CALHM3: variants seen among roughly 807,000 people sequenced by gnomAD.
The protein encoded by CALHM3 is calcium homeostasis modulator protein 3.
A neutral mutation model predicts 13.6 loss-of-function variants in CALHM3; 9 were observed. That is an observed-to-expected ratio of 0.66 (90% CI 0.40 to 1.15). CALHM3 has a LOEUF of 1.15. CALHM3 is among the 50% of genes most tolerant of loss of function. The probability of loss-of-function intolerance (pLI) is 0.01; values close to 1 mark genes in which losing one functional copy is unlikely to be tolerated. For synonymous variants in CALHM3, 231 were observed against 213.2 expected, an observed-to-expected ratio of 1.08 and a Z score of -0.73; for missense variants, 497 against 463.4, an observed-to-expected ratio of 1.07 and a Z score of -0.67.
chr10:103,477,208 T>A (rs2033399766), intron 1 of CALHM3, among the ~76,000 whole-genome samples: 1 of 152,128 alleles, frequency 6.6e-6, no homozygotes, highest in African/African-American at 2.4e-5. Context: ...CCACAAGGCA[T>A]CCCAGGAGCC....
intron 1 of CALHM3, among the ~76,000 whole-genome samples, chr10:103,477,358 C>T (rs1300350299): frequency 1.3e-5 from 2 of 152,166 alleles, no homozygotes; most frequent in Admixed American, 6.5e-5. Flanking sequence ...CAAGGACACA[C>T]CCAGTGCCTG....
Position 103,473,340 on chromosome 10 carries a change from C to A in CALHM3, c.908G>T (p.Ser303Ile). Residue 303 changes from serine (S) to isoleucine (I), a missense_variant, in exon 3 of 3, where the codon AGC becomes ATC. Ser to Ile is a moderately radical substitution (Grantham distance 142). Coordinates refer to ENST00000369783, the MANE Select transcript of CALHM3 (RefSeq NM_001129742.2). ...CGGCGGCTTGCTGGAGTACCACGTGCTTAGGAGGCGGTCCACCTGCTCCCG... is the reference window on the plus strand; with the variant it reads ...CGGCGGCTTGCTGGAGTACCACGTGATTAGGAGGCGGTCCACCTGCTCCCG... Reference protein sequence around the residue: ...SSREQVDRLLSTWYSSKPPLD... With the variant: ...SSREQVDRLLITWYSSKPPLD... 1 of 1,505,742 alleles carries A rather than the reference C, an allele frequency of 6.6e-7. No homozygotes were observed. The highest frequency in any genetic ancestry group is 8.9e-7 in the Non-Finnish European group (1 of 1,121,818). 93.3% of individuals were successfully genotyped at this position (1,505,742 alleles called of 1,614,324 possible).
chr10:103,473,750 C>T lies in CALHM3; in HGVS notation c.544-46G>A, dbSNP rs2033357703. ...AGGTTAGATGTGAGTGGGGCCTAAT[C>T]CTATATACATATGTATTTATGAATA... On this transcript the variant is annotated intron_variant, in intron 2 of 2. Coordinates refer to ENST00000369783, the MANE Select transcript of CALHM3 (RefSeq NM_001129742.2). 7 of 1,484,884 alleles carry T rather than the reference C, an allele frequency of 4.7e-6. No individual in the cohort carries two copies. The East Asian group carries it at 1.7e-4, about 37-fold the overall frequency. 92.0% of individuals were successfully genotyped at this position (1,484,884 alleles called of 1,614,324 possible).
Position 103,476,317 on chromosome 10 carries a change from G to A in CALHM3, c.520C>T (p.Arg174Cys), listed in dbSNP as rs2033387720. 1.3e-6 allele frequency: 2 copies of A among 1,551,484 alleles called. No individual in the cohort carries two copies. Residue 174 changes from arginine (R) to cysteine (C), a missense_variant, in exon 2 of 3, where the codon CGC becomes TGC. Coordinates refer to ENST00000369783, the MANE Select transcript of CALHM3 (RefSeq NM_001129742.2). ...ACCTGTGACAGGCACCGCAGGTAGC[G>A]AGACACTGCCTTCCGAGCAGGGCTA... is the stretch of plus-strand genomic sequence containing the variant. Reference protein sequence around the residue: ...RDSPARKAVSRYLRCLSQAIG... With the variant: ...RDSPARKAVSCYLRCLSQAIG...
Position 103,478,783 on chromosome 10 carries a change from GC to G in CALHM3, c.249del (p.Ala85GlnfsTer59). ...QSVVMVEEWR[R>X]PAGHRRKDPG... is the part of the protein sequence containing the mutation. The stretch of plus-strand genomic sequence containing the variant: ...GGGTCCTTCCTCCGGTGCCCTGCGG[GC>G]CGGCGCCACTCCTCGACCATCACCA... On this transcript the variant is annotated frameshift_variant, in exon 1 of 3. Coordinates refer to ENST00000369783, the MANE Select transcript of CALHM3 (RefSeq NM_001129742.2). LOFTEE classifies it high-confidence loss of function. 2 of 1,547,888 alleles carry G rather than the reference GC, an allele frequency of 1.3e-6. No homozygotes were observed. The highest frequency in any genetic ancestry group is 1.7e-6 in the Non-Finnish European group (2 of 1,144,922).
intron 2 of CALHM3, among the ~76,000 whole-genome samples, chr10:103,475,666 G>A (rs547884766): frequency 6.6e-6 from 1 of 152,246 alleles, no homozygotes; most frequent in Non-Finnish European, 1.5e-5. Flanking sequence ...CAAGGGGCAG[G>A]GGCTGTGTGT....
chr10:103,475,496 T>C (rs889221765), intron 2 of CALHM3, among the ~76,000 whole-genome samples: 1 of 152,164 alleles, frequency 6.6e-6, no homozygotes, highest in Non-Finnish European at 1.5e-5. Flanking sequence ...ACCATCAAGA[T>C]GGAGGAGACC....
In CALHM3 at chr10:103,478,745, C is replaced by T. The variant is rs2033420274; in HGVS notation, c.287+1G>A. 6.6e-7 allele frequency: 1 copy of T among 1,521,144 alleles called. No homozygotes were observed. Among genetic ancestry groups the T allele is most frequent in the South Asian group, 1.3e-5 (1 of 78,008 alleles). The allele number at this position is 1,521,144 out of a possible 1,614,324, so 94.2% of individuals were successfully genotyped here. On this transcript the variant is annotated splice_donor_variant, in intron 1 of 2. Transcript: ENST00000369783. LOFTEE classifies it high-confidence loss of function. ...GGTCACTGAGTGGTGTGGGACCGCA[C>T]CTGATGATGCCTGGGTCCTTCCTCC... is the stretch of plus-strand genomic sequence containing the variant.
chr10:103,478,665 G>C (rs2033418392), intron 1 of CALHM3, 81 bp downstream of exon 1: 1 of 1,360,180 alleles, frequency 7.4e-7, no homozygotes, highest in Non-Finnish European at 9.9e-7. Flanking sequence ...TGGGGTCTGG[G>C]GGTGCACTTG....
At position 103,479,137 on chromosome 10, in the gene CALHM3, G is replaced by T; in HGVS notation, c.-105C>A. Reference sequence around the variant, plus strand: ...GGGACGAGCCTGGGATCTGCAAGAGGTTCTCTCTCTGCTTCCAAGGGCCTG... The same window carrying T: ...GGGACGAGCCTGGGATCTGCAAGAGTTTCTCTCTCTGCTTCCAAGGGCCTG... On this transcript the variant is annotated 5_prime_UTR_variant, in exon 1 of 3. Transcript: ENST00000369783. 3.1e-6 allele frequency: 4 copies of T among 1,289,038 alleles called. No homozygotes were observed. The highest frequency in any genetic ancestry group is 1.5e-5 in the South Asian group (1 of 68,050). The allele number at this position is 1,289,038 out of a possible 1,614,324, so 79.9% of individuals were successfully genotyped here. A position where few individuals can be genotyped will look rare whatever the true frequency, so the allele number is the denominator to read the frequency against.
intron 1 of CALHM3, among the ~76,000 whole-genome samples, chr10:103,477,335 C>G (rs1456853271): frequency 1.3e-5 from 2 of 152,162 alleles, no homozygotes; most frequent in Non-Finnish European, 2.9e-5. Flanking sequence ...CACTGGACCC[C>G]AGAGGAAAAG....
In CALHM3 at chr10:103,478,763, C is replaced by A; in HGVS notation, c.270G>T (p.Lys90Asn). 6.5e-7 allele frequency: 1 copy of A among 1,535,900 alleles called. No individual in the cohort carries two copies. Among genetic ancestry groups the A allele is most frequent in the South Asian group, 1.2e-5 (1 of 81,218 alleles). The change falls in exon 1 of 3, where the codon AAG becomes AAT. Residue 90 changes from lysine (K) to asparagine (N), a missense_variant. Coordinates refer to ENST00000369783, the MANE Select transcript of CALHM3 (RefSeq NM_001129742.2). ...GACCGCACCTGATGATGCCTGGGTC[C>A]TTCCTCCGGTGCCCTGCGGGCCGGC... The part of the protein sequence containing the change: ...EWRRPAGHRR[K>N]DPGIIRYMCS...
chr10:103,474,467 A>ATT (rs1554885786), intron 2 of CALHM3, among the ~76,000 whole-genome samples: 1 of 82,778 alleles, frequency 1.2e-5, no homozygotes, highest in East Asian at 4.0e-4. Context: ...ATTTATTTAT[A>ATT]TTTTTTGAGA....
At position 103,473,454 on chromosome 10, in the gene CALHM3, C is replaced by A; in HGVS notation, c.794G>T (p.Gly265Val). ...QARGLRRGNA[G>V]RRLELPAVPE... is the part of the protein sequence containing the mutation. The stretch of plus-strand genomic sequence containing the variant: ...CACTGCGGGGAGCTCGAGTCTCCTG[C>A]CTGCATTGCCCCGGCGCAGCCCCCG... The change falls in exon 3 of 3, where the codon GGC becomes GTC. Residue 265 changes from glycine (G) to valine (V), a missense_variant. Physicochemically the swap from Gly to Val is moderately radical, Grantham distance 109. Transcript: ENST00000369783. 2 of 1,523,346 alleles carry A rather than the reference C, an allele frequency of 1.3e-6. No individual in the cohort carries two copies. The highest frequency in any genetic ancestry group is 1.6e-5 in the African/African-American group (1 of 61,384). 94.4% of individuals were successfully genotyped at this position (1,523,346 alleles called of 1,614,324 possible). A position where few individuals can be genotyped will look rare whatever the true frequency, so the allele number is the denominator to read the frequency against.
In CALHM3 at chr10:103,473,313, A is replaced by G. The variant is rs998275916; in HGVS notation, c.935T>C (p.Leu312Pro). 2 of 1,494,536 alleles carry G rather than the reference A, an allele frequency of 1.3e-6. No individual in the cohort carries two copies. Among genetic ancestry groups the G allele is most frequent in the African/African-American group, 2.8e-5 (2 of 71,232 alleles). 92.6% of individuals were successfully genotyped at this position (1,494,536 alleles called of 1,614,324 possible). ...GAGCCCGGGGGATGCAGCCAGGTCC[A>G]GCGGCGGCTTGCTGGAGTACCACGT... ...LSTWYSSKPP[L>P]DLAASPGLCG... Residue 312 changes from leucine to proline, a missense_variant, in exon 3 of 3, where the codon CTG becomes CCG. Leu to Pro is a moderately conservative substitution (Grantham distance 98, BLOSUM62 -3). Transcript: ENST00000369783.
chr10:103,474,517 G>A (rs930806313), intron 2 of CALHM3, among the ~76,000 whole-genome samples: 3 of 151,918 alleles, frequency 2.0e-5, no homozygotes, highest in East Asian at 1.9e-4. Context: ...GTGCAATGGC[G>A]TGATTCAGCT....
intron 2 of CALHM3, among the ~76,000 whole-genome samples, chr10:103,475,405 G>A (rs2033377049): frequency 6.6e-6 from 1 of 152,210 alleles, no homozygotes; most frequent in Non-Finnish European, 1.5e-5. Context: ...GCTGAGTCAG[G>A]ATTCAAACCC....
In CALHM3 at chr10:103,473,119, T is replaced by G; in HGVS notation, c.*94A>C. ...GGAGGCTAACAAGACTTAGGGTGCCTGCCGTGGGGTCCCCACGGCCTGGAA... is the reference window on the plus strand; with the variant it reads ...GGAGGCTAACAAGACTTAGGGTGCCGGCCGTGGGGTCCCCACGGCCTGGAA... On this transcript the variant is annotated 3_prime_UTR_variant, in exon 3 of 3. Coordinates refer to ENST00000369783, the MANE Select transcript of CALHM3 (RefSeq NM_001129742.2). 8.1e-7 allele frequency: 1 copy of G among 1,227,048 alleles called. No individual in the cohort carries two copies. The highest frequency in any genetic ancestry group is 1.0e-6 in the Non-Finnish European group (1 of 965,834). The allele number at this position is 1,227,048 out of a possible 1,614,324, so 76.0% of individuals were successfully genotyped here.
intron 2 of CALHM3, 120 bp downstream of exon 2, chr10:103,476,174 C>T: frequency 7.3e-7 from 1 of 1,374,502 alleles, no homozygotes; most frequent in Admixed American, 2.1e-5. Flanking sequence ...CACTTCCCTG[C>T]CTCCTGGGAA....
Sources: gnomAD v4.1 joint callset for allele counts (sites outside exome capture counted in the v4.1 genomes callset) on GRCh38, gnomAD v4.1.1 for gene constraint, MANE v1.5 for transcripts, NCBI Gene and HGNC (gene_info 2026-07-23, HGNC 2026-07-21) for gene names.